Variants in DNAAF11 observed in about 807,000 individuals in gnomAD.
The protein encoded by DNAAF11 is dynein axonemal assembly factor 11.
DNAAF11 carries 45 observed loss-of-function variants against 60.8 expected under a neutral mutation model. That is an observed-to-expected ratio of 0.74 (90% CI 0.58 to 0.95). The LOEUF is 0.95. DNAAF11 is among the 40% of genes least tolerant of loss of function. The pLI, the probability that DNAAF11 is intolerant of heterozygous loss-of-function variation, is 0.00. For synonymous variants in DNAAF11, 191 were observed against 183.5 expected, an observed-to-expected ratio of 1.04 and a Z score of -0.33; for missense variants, 546 against 546.2, an observed-to-expected ratio of 1.00 and a Z score of 0.00.
chr8:132,616,547 C>G (rs1819178811), intron 7 of DNAAF11, among the ~76,000 whole-genome samples: 1 of 152,084 alleles, frequency 6.6e-6, no homozygotes, highest in Non-Finnish European at 1.5e-5. Flanking sequence ...TCCAAGGTTT[C>G]TGGTCTTAGC....
chr8:132,673,371 T>C (rs1825374976), intron 1 of DNAAF11, among the ~76,000 whole-genome samples: 1 of 152,200 alleles, frequency 6.6e-6, no homozygotes, highest in Non-Finnish European at 1.5e-5. Context: ...ACATCAGAGC[T>C]ACTCATTGGA....
At chr8:132,681,603 C>T in the DNAAF11 span, among the ~76,000 whole-genome samples, 1 of 152,022 alleles carries the variant, frequency 6.6e-6, no homozygotes, top group African/African-American at 2.4e-5. Flanking sequence ...AATTCCAGTG[C>T]TTTCTTTATC....
chr8:132,613,837 T>A (rs1289875684), intron 8 of DNAAF11, among the ~76,000 whole-genome samples: 2 of 152,142 alleles, frequency 1.3e-5, no homozygotes, highest in African/African-American at 4.8e-5. Flanking sequence ...CCAGGGTTAC[T>A]GAGAGATTAA....
At chr8:132,700,517 C>A in the DNAAF11 span, among the ~76,000 whole-genome samples, 1 of 114,408 alleles carries the variant, frequency 8.7e-6, no homozygotes, top group Non-Finnish European at 1.8e-5. Flanking sequence ...AAGACCCCCA[C>A]CTCTACAAAA....
intron 1 of DNAAF11, among the ~76,000 whole-genome samples, chr8:132,665,478 G>A (rs763020127): frequency 5.3e-5 from 8 of 151,320 alleles, no homozygotes; most frequent in Non-Finnish European, 1.0e-4. Flanking sequence ...AAAGTGCCCA[G>A]CAAACTTTAA....
At chr8:132,642,856 C>T (rs1362135963) in intron 3 of DNAAF11, among the ~76,000 whole-genome samples, 1 of 152,188 alleles carries the variant, frequency 6.6e-6, no homozygotes, top group Non-Finnish European at 1.5e-5. Context: ...GGTTGGCCCA[C>T]CTGAAGATTC....
intron 8 of DNAAF11, among the ~76,000 whole-genome samples, chr8:132,613,721 T>C (rs1564025932): frequency 6.6e-6 from 1 of 152,220 alleles, no homozygotes; most frequent in African/African-American, 2.4e-5. Context: ...CAAAGTTGGT[T>C]GAAGTCCTGA....
chr8:132,612,197 G>A (rs1359305459), intron 8 of DNAAF11, among the ~76,000 whole-genome samples: 2 of 152,054 alleles, frequency 1.3e-5, no homozygotes, highest in Admixed American at 1.3e-4. Flanking sequence ...TCTGTAAAAT[G>A]GGGATACTAC....
upstream of DNAAF11, among the ~76,000 whole-genome samples, chr8:132,679,489 C>CT (rs1369990210): frequency 6.6e-6 from 1 of 152,190 alleles, no homozygotes; most frequent in Non-Finnish European, 1.5e-5. Context: ...TTGGACTGTT[C>CT]TTTTTCTTGG....
intron 10 of DNAAF11, among the ~76,000 whole-genome samples, chr8:132,593,650 C>T (rs1816707816): frequency 6.6e-6 from 1 of 151,532 alleles, no homozygotes; most frequent in African/African-American, 2.4e-5. Flanking sequence ...GAATTGCAGC[C>T]TTGAAGGTTT....
chr8:132,689,395 A>G, the DNAAF11 span, among the ~76,000 whole-genome samples: 1,479 of 152,232 alleles, frequency 9.7e-3, 34 homozygotes, highest in African/African-American at 0.033. Flanking sequence ...TTCTTTGTTT[A>G]TTGACTTTAA....
chr8:132,607,680 A>G (rs1564014676), intron 10 of DNAAF11, among the ~76,000 whole-genome samples: 1 of 152,236 alleles, frequency 6.6e-6, no homozygotes, highest in Non-Finnish European at 1.5e-5. Flanking sequence ...TATTCCATAT[A>G]TAAATGACAT....
At chr8:132,647,991 C>A (rs927584316) in intron 3 of DNAAF11, among the ~76,000 whole-genome samples, 2 of 152,170 alleles carry the variant, frequency 1.3e-5, no homozygotes, top group Non-Finnish European at 2.9e-5. Flanking sequence ...AAGAGGGAAT[C>A]CTCCCTAACT....
At chr8:132,573,157 T>A (rs1429468370) in intron 11 of DNAAF11, among the ~76,000 whole-genome samples, 1 of 152,126 alleles carries the variant, frequency 6.6e-6, no homozygotes, top group African/African-American at 2.4e-5. Flanking sequence ...GATAATCAGG[T>A]CTCTGGGCTG....
Position 132,572,395 on chromosome 8 carries a change from T to C in DNAAF11, c.1312A>G (p.Thr438Ala), listed in dbSNP as rs1814292487. The C allele has an allele frequency of 2.5e-5, 41 of 1,613,890 alleles. No individual in the cohort carries two copies. The highest frequency in any genetic ancestry group is 3.5e-5 in the Non-Finnish European group (41 of 1,179,832). Residue 438 changes from threonine to alanine, a missense_variant, in exon 12 of 12, where the codon ACA becomes GCA. Thr to Ala is a moderately conservative substitution (Grantham distance 58, BLOSUM62 0). Transcript: ENST00000620350. ...VTNIVQEKKHTPRRRPEPKII... is the reference protein window; with the variant it reads ...VTNIVQEKKHAPRRRPEPKII... ...TTGGGTTCAGGTCGTCTTCTGGGTGTGTGTTTTTTCTCTTGAACTATGTTA... is the reference window on the plus strand; with the variant it reads ...TTGGGTTCAGGTCGTCTTCTGGGTGCGTGTTTTTTCTCTTGAACTATGTTA...
chr8:132,647,697 C>T (rs1054037894), intron 3 of DNAAF11, among the ~76,000 whole-genome samples: 10 of 152,166 alleles, frequency 6.6e-5, no homozygotes, highest in Non-Finnish European at 1.5e-4. Context: ...ACCGATCCCA[C>T]AGAAATTCAA....
intron 11 of DNAAF11, among the ~76,000 whole-genome samples, chr8:132,577,514 C>G (rs776166243): frequency 3.3e-5 from 5 of 152,180 alleles, no homozygotes; most frequent in Non-Finnish European, 5.9e-5. Flanking sequence ...AATCCCATAA[C>G]CTAACGTAAA....
upstream of DNAAF11, among the ~76,000 whole-genome samples, chr8:132,679,237 T>C (rs931048329): frequency 1.3e-5 from 2 of 152,188 alleles, no homozygotes; most frequent in African/African-American, 4.8e-5. Context: ...GTTATTGTTG[T>C]TTGTTTGTTT....
At chr8:132,680,999 A>G in the DNAAF11 span, among the ~76,000 whole-genome samples, 2 of 32,590 alleles carry the variant, frequency 6.1e-5, no homozygotes, top group Non-Finnish European at 1.1e-4. Flanking sequence ...CCCAATAACT[A>G]TTCCTTTTTT....
Sources: gnomAD v4.1 joint callset for allele counts (sites outside exome capture counted in the v4.1 genomes callset) on GRCh38, gnomAD v4.1.1 for gene constraint, MANE v1.5 for transcripts, NCBI Gene and HGNC (gene_info 2026-07-23, HGNC 2026-07-21) for gene names.